The following TBX22 variants were observed in gnomAD, a reference collection of about 807,000 sequenced individuals.
The protein encoded by TBX22 is T-box transcription factor 22.
A neutral mutation model predicts 30.1 loss-of-function variants in TBX22; 8 were observed. The ratio of observed to expected loss-of-function variants is 0.27; its 90% confidence interval spans 0.16 to 0.48. TBX22 has a LOEUF of 0.48. TBX22 is among the 20% of genes least tolerant of loss of function. The probability of loss-of-function intolerance (pLI) is 0.99; values close to 1 mark genes in which losing one functional copy is unlikely to be tolerated. For synonymous variants in TBX22, 173 were observed against 149.1 expected (o/e 1.16, Z -1.17); for missense variants, 463 against 400.5 (o/e 1.16, Z -1.33).
chrX:80,018,657 G>A lies in TBX22; in HGVS notation c.-2-3611G>A, dbSNP rs183625436. On this transcript the variant is annotated intron_variant, in intron 1 of 8. Coordinates refer to ENST00000373296, the MANE Select transcript of TBX22 (RefSeq NM_001109878.2). ...TTTAATTTTGAAAACATCTGTGAGT[G>A]CTTACTATGTTCCAGGCTTTGTCCT... Among the ~76,000 whole-genome samples the A allele has an allele frequency of 3.6e-5, 4 of 112,032 alleles. No individual in the cohort carries two copies. In the East Asian group the frequency reaches 8.4e-4, roughly 24 times the overall value.
chrX:80,022,300 T>A lies in TBX22; in HGVS notation c.31T>A (p.Ser11Thr), dbSNP rs150098741. MALSSRARAF[S>T]VEALVGRPSK... ...TCTGAGCTCTCGGGCGCGTGCCTTCTCCGTGGAAGCCTTGGTGGGGAGACC... is the reference window on the plus strand; with the variant it reads ...TCTGAGCTCTCGGGCGCGTGCCTTCACCGTGGAAGCCTTGGTGGGGAGACC... The change falls in exon 2 of 9, where the codon TCC becomes ACC. Residue 11 changes from serine (S) to threonine (T), a missense_variant. Physicochemically the swap from Ser to Thr is moderately conservative, Grantham distance 58. Transcript: ENST00000373296. 20 of 1,209,275 alleles carry A rather than the reference T, an allele frequency of 1.7e-5. No individual in the cohort carries two copies. In the African/African-American group the frequency reaches 3.0e-4, roughly 18 times the overall value.
At chrX:80,015,746 G>A (rs933527423) in intron 1 of TBX22, among the ~76,000 whole-genome samples, 1 of 111,531 alleles carries the variant, frequency 9.0e-6, no homozygotes. Flanking sequence ...GTGGTGATAT[G>A]GTTGCTTTGT....
rs767406912 is a variant in TBX22 at position 80,028,045 on chromosome X, C to T, written c.918C>T (p.Leu306=). ...ACCCATGGAGGCCTTCTTTCACTCT[C>T]GATTTTAAAACCTTTGGCGCAGACA... ...ETYPWRPSFT[L]DFKTFGADTQ... is the part of the protein sequence containing the mutation. The change falls in exon 8 of 9, where the codon CTC becomes CTT. Residue 306 remains leucine (L), a synonymous_variant. Coordinates refer to ENST00000373296, the MANE Select transcript of TBX22 (RefSeq NM_001109878.2). The T allele has an allele frequency of 7.4e-6, 9 of 1,209,068 alleles. No homozygotes were observed. Among genetic ancestry groups the T allele is most frequent in the South Asian group, 1.8e-5 (1 of 56,823 alleles).
intron 6 of TBX22, 21 bp downstream of exon 6, chrX:80,026,889 G>A: frequency 8.3e-7 from 1 of 1,208,683 alleles, no homozygotes; most frequent in Non-Finnish European, 1.1e-6. Context: ...TCATGTCTCA[G>A]GCGAATGGAA....
chrX:80,023,233 G>C lies in TBX22; in HGVS notation c.349G>C (p.Ala117Pro), dbSNP rs369779825. 2 of 1,209,576 alleles carry C rather than the reference G, an allele frequency of 1.7e-6. No individual in the cohort carries two copies. The highest frequency in any genetic ancestry group is 3.5e-5 in the African/African-American group (2 of 57,060). Residue 117 changes from alanine (A) to proline (P), a missense_variant, in exon 3 of 9, where the codon GCG (alanine) becomes CCG (proline). By Grantham distance (27) the Ala-to-Pro change is conservative. Coordinates refer to ENST00000373296, the MANE Select transcript of TBX22 (RefSeq NM_001109878.2). ...DIGTEMIITK[A>P]GRRMFPSVRV... Reference sequence around the variant, plus strand: ...CGGGACTGAGATGATCATTACTAAAGCGGGCAGGTTCGGTTCTGCCCAAGC... The same window carrying C: ...CGGGACTGAGATGATCATTACTAAACCGGGCAGGTTCGGTTCTGCCCAAGC...
intron 3 of TBX22, 104 bp downstream of exon 3, chrX:80,023,344 C>A: frequency 1.2e-6 from 1 of 826,145 alleles, no homozygotes. Context: ...TGGTACTCCT[C>A]TGTCCCTTTT....
At chrX:80,028,545 A>G (rs1924092705) in intron 8 of TBX22, among the ~76,000 whole-genome samples, 1 of 112,015 alleles carries the variant, frequency 8.9e-6, no homozygotes, top group Non-Finnish European at 1.9e-5. Context: ...GGGAAAGTAA[A>G]TGTTAAAAAT....
rs1293952869 is a variant in TBX22 at position 80,022,733 on chromosome X, A to C, written c.175+289A>C. ...CAGCGGGTGGCTGCTGTATCCTGGG[A>C]TGGGAAGCAGGGCGAGTTCCCAAAT... On this transcript the variant is annotated intron_variant, in intron 2 of 8. Coordinates refer to ENST00000373296, the MANE Select transcript of TBX22 (RefSeq NM_001109878.2). 1.2e-5 allele frequency: 5 copies of C among 400,485 alleles called. No homozygotes were observed. In the African/African-American group the frequency reaches 1.3e-4, roughly 11 times the overall value. The allele number at this position is 400,485 out of a possible 1,213,427, so 33.0% of individuals were successfully genotyped here. A position where few individuals can be genotyped will look rare whatever the true frequency, so the allele number is the denominator to read the frequency against.
At chrX:80,027,127 CATTT>C (rs1055128403) in intron 6 of TBX22, 125 bp from the exon 7 acceptor site, 1 of 501,969 alleles carries the variant, frequency 2.0e-6, no homozygotes, top group African/African-American at 2.4e-5. Context: ...AATATGGTTA[CATTT>C]ATTTAAATTG....
intron 5 of TBX22, among the ~76,000 whole-genome samples, chrX:80,026,454 A>G (rs1923979231): frequency 8.9e-6 from 1 of 112,072 alleles, no homozygotes. Context: ...GATGGTCGCC[A>G]GTGTTTGAAG....
intron 3 of TBX22, among the ~76,000 whole-genome samples, chrX:80,023,463 C>T (rs1270655325): frequency 9.0e-6 from 1 of 111,115 alleles, no homozygotes; most frequent in African/African-American, 3.3e-5. Flanking sequence ...TACACTGTGA[C>T]TCCAATAACT....
chrX:80,020,127 G>C (rs1602406484), intron 1 of TBX22, among the ~76,000 whole-genome samples: 1 of 111,463 alleles, frequency 9.0e-6, no homozygotes, highest in African/African-American at 3.3e-5. Flanking sequence ...TTGAGCTAAG[G>C]TTAAAGGCAA....
chrX:80,015,005 A>G (rs1923360948), intron 1 of TBX22, 118 bp downstream of exon 1: 1 of 111,278 alleles, frequency 9.0e-6, no homozygotes, highest in African/African-American at 3.3e-5. Flanking sequence ...TAACATTAGG[A>G]AAGTCCAACT....
At chrX:80,028,524 T>C (rs1602412728) in intron 8 of TBX22, among the ~76,000 whole-genome samples, 1 of 112,134 alleles carries the variant, frequency 8.9e-6, no homozygotes, top group East Asian at 2.8e-4. Context: ...TTTTCCTCTT[T>C]TTTGTTCATG....
intron 6 of TBX22, 83 bp from the exon 7 acceptor site, chrX:80,027,172 GT>G: frequency 1.8e-6 from 1 of 569,013 alleles, no homozygotes; most frequent in Non-Finnish European, 3.1e-6. Context: ...ATCTCTTCTG[GT>G]GGTTGTAACC....
chrX:80,022,026 T>C (rs893470777), intron 1 of TBX22, among the ~76,000 whole-genome samples: 2 of 58,462 alleles, frequency 3.4e-5, no homozygotes, highest in Non-Finnish European at 6.1e-5. Flanking sequence ...TATAAAAAAA[T>C]TACACACACA....
At chrX:80,028,133 C>T (rs1053014504) in intron 8 of TBX22, 57 bp downstream of exon 8, 1 of 1,005,538 alleles carries the variant, frequency 9.9e-7, no homozygotes, top group Non-Finnish European at 1.4e-6. Flanking sequence ...TAACAACATC[C>T]GGAACCCTTG....
In TBX22 at chrX:80,024,096, A is replaced by C; in HGVS notation, c.390A>C (p.Lys130Asn). The C allele has an allele frequency of 8.3e-7, 1 of 1,211,192 alleles. No homozygotes were observed. The highest frequency in any genetic ancestry group is 1.1e-6 in the Non-Finnish European group (1 of 895,308). Residue 130 changes from lysine (K) to asparagine (N), a missense_variant, in exon 4 of 9, where the codon AAA (lysine) becomes AAC (asparagine). Coordinates refer to ENST00000373296, the MANE Select transcript of TBX22 (RefSeq NM_001109878.2). Reference sequence around the variant, plus strand: ...TCCCCTCTGTTCGGGTCAAGGTGAAAGGGTTGGATCCAGGGAAGCAGTACC... The same window carrying C: ...TCCCCTCTGTTCGGGTCAAGGTGAACGGGTTGGATCCAGGGAAGCAGTACC... Reference protein sequence around the residue: ...RMFPSVRVKVKGLDPGKQYHV... With the variant: ...RMFPSVRVKVNGLDPGKQYHV...
chrX:80,027,277 A>C lies in TBX22; in HGVS notation c.820A>C (p.Arg274=). Residue 274 remains arginine (R), a synonymous_variant, in exon 7 of 9, where the codon AGA becomes CGA. Coordinates refer to ENST00000373296, the MANE Select transcript of TBX22 (RefSeq NM_001109878.2). ...NQQITKLKIE[R]NPFAKGFRDT... Reference sequence around the variant, plus strand: ...ATAGATTACGAAACTAAAAATAGAAAGAAATCCTTTTGCTAAAGGATTTAG... The same window carrying C: ...ATAGATTACGAAACTAAAAATAGAACGAAATCCTTTTGCTAAAGGATTTAG... 9.0e-7 allele frequency: 1 copy of C among 1,111,409 alleles called. No individual in the cohort carries two copies. Among genetic ancestry groups the C allele is most frequent in the Non-Finnish European group, 1.2e-6 (1 of 804,515 alleles). The allele number at this position is 1,111,409 out of a possible 1,213,427, so 91.6% of individuals were successfully genotyped here. A position where few individuals can be genotyped will look rare whatever the true frequency, so the allele number is the denominator to read the frequency against.
Sources: gnomAD v4.1 joint callset for allele counts (sites outside exome capture counted in the v4.1 genomes callset) on GRCh38, gnomAD v4.1.1 for gene constraint, MANE v1.5 for transcripts, NCBI Gene and HGNC (gene_info 2026-07-23, HGNC 2026-07-21) for gene names.